TRIM71: variants seen among roughly 807,000 people sequenced by gnomAD.
The protein encoded by TRIM71 is E3 ubiquitin-protein ligase TRIM71.
Under a neutral mutation model 61.2 loss-of-function variants are expected in TRIM71, and 9 were observed. That is an observed-to-expected ratio of 0.15 (90% CI 0.09 to 0.26). The LOEUF is 0.26. TRIM71 is among the 10% of genes least tolerant of loss of function. TRIM71 has a pLI of 1.00. For synonymous variants in TRIM71, 645 were observed against 553.2 expected (o/e 1.17, Z -2.33); for missense variants, 998 against 1,238.7 (o/e 0.81, Z 2.92).
Position 32,891,548 on chromosome 3 carries a change from C to T in TRIM71, c.2344C>T (p.Arg782Cys), listed in dbSNP as rs1291066250. 16 of 1,613,522 alleles carry T rather than the reference C, an allele frequency of 9.9e-6. No homozygotes were observed. In the East Asian group the frequency reaches 2.5e-4, roughly 25 times the overall value. The part of the protein sequence containing the change: ...LVIHPDCQSA[R>C]FLGSEGTGNG... ...TATTCACCCCGACTGCCAGTCGGCA[C>T]GCTTTCTGGGCTCGGAGGGCACAGG... The change falls in exon 4 of 4, where the codon CGC (arginine) becomes TGC (cysteine). Residue 782 changes from arginine to cysteine, a missense_variant. Physicochemically the swap from Arg to Cys is radical, Grantham distance 180. Around this residue, in one of 5 missense-constraint regions of TRIM71, gnomAD observed 95 missense variants for 159.0 expected, o/e 0.60. Coordinates refer to ENST00000383763, the MANE Select transcript of TRIM71 (RefSeq NM_001039111.3). This position sits in a 1 kb window ranked among gnomAD's most constrained non-coding sequence, Gnocchi z 8.2.
intron 1 of TRIM71, among the ~76,000 whole-genome samples, chr3:32,847,173 C>T (rs1385789685): frequency 1.3e-5 from 2 of 150,312 alleles, no homozygotes; most frequent in African/African-American, 2.5e-5. Context: ...TACAGGCTCT[C>T]GCCGCCAGGT....
intron 1 of TRIM71, among the ~76,000 whole-genome samples, chr3:32,831,812 A>C (rs1298043047): frequency 1.3e-5 from 2 of 152,166 alleles, no homozygotes; most frequent in Non-Finnish European, 2.9e-5. Context: ...TCTTGGGATT[A>C]CAGGCATGAG....
chr3:32,847,182 G>A (rs905449372), intron 1 of TRIM71, among the ~76,000 whole-genome samples: 10 of 148,440 alleles, frequency 6.7e-5, no homozygotes, highest in African/African-American at 2.3e-4. Context: ...TCGCCGCCAG[G>A]TCCAGCAATT....
chr3:32,818,049 TGGTCTCCTCCCTCCTCCGGGCTG>T lies in TRIM71; in HGVS notation c.-28_-6del. On this transcript the variant is annotated 5_prime_UTR_variant, in exon 1 of 4. Coordinates refer to ENST00000383763, the MANE Select transcript of TRIM71 (RefSeq NM_001039111.3). ...TCCTCCTCCTCCTCCTCTTCCTCTC[TGGTCTCCTCCCTCCTCCGGGCTG>T]GGTTGCAAATGGCTTCGTTCCCCGA... 6.2e-7 allele frequency: 1 copy of T among 1,601,856 alleles called. No individual in the cohort carries two copies. The highest frequency in any genetic ancestry group is 8.5e-7 in the Non-Finnish European group (1 of 1,171,430).
intron 1 of TRIM71, among the ~76,000 whole-genome samples, chr3:32,857,098 C>G (rs1015251322): frequency 6.6e-6 from 1 of 152,190 alleles, no homozygotes; most frequent in Non-Finnish European, 1.5e-5. Context: ...AATCACTAAC[C>G]TCTGGCCCCT....
At chr3:32,881,953 T>G (rs1003895767) in intron 2 of TRIM71, among the ~76,000 whole-genome samples, 1 of 152,152 alleles carries the variant, frequency 6.6e-6, no homozygotes, top group Non-Finnish European at 1.5e-5. Context: ...ATTATTAAAA[T>G]TGCAACAAAA....
intron 1 of TRIM71, among the ~76,000 whole-genome samples, chr3:32,827,474 C>T (rs986936119): frequency 6.6e-6 from 1 of 151,826 alleles, no homozygotes; most frequent in Non-Finnish European, 1.5e-5. Context: ...ATTGGCCAGG[C>T]TGGTCTCGAA....
At chr3:32,842,640 G>A (rs532275570) in intron 1 of TRIM71, among the ~76,000 whole-genome samples, 3 of 152,294 alleles carry the variant, frequency 2.0e-5, no homozygotes, top group African/African-American at 4.8e-5. Context: ...CAGAGAAGTC[G>A]GGGCAGTGAG....
At position 32,894,461 on chromosome 3, in the gene TRIM71, G is replaced by A. The variant is rs1697058961; in HGVS notation, c.*2650G>A. On this transcript the variant is annotated 3_prime_UTR_variant, in exon 4 of 4. Transcript: ENST00000383763. ...TCTTAATTTACAGACTTGTAAATTT[G>A]CAGGCTTAGAGCAACTAGAACTATC... The A allele has an allele frequency of 6.6e-6, 1 of 152,164 alleles. No individual in the cohort carries two copies. Among genetic ancestry groups the A allele is most frequent in the Admixed American group, 6.5e-5 (1 of 15,282 alleles). The allele number at this position is 152,164 out of a possible 1,614,324, so 9.4% of individuals were successfully genotyped here.
intron 2 of TRIM71, among the ~76,000 whole-genome samples, chr3:32,879,672 T>TAA (rs34024813): frequency 3.4e-5 from 5 of 148,002 alleles, no homozygotes; most frequent in Admixed American, 6.7e-5. Flanking sequence ...TTCAATTTCT[T>TAA]AAAAAAAAAA....
rs1331113712 is a variant in TRIM71, at chr3:32,897,194, C to T, written c.*5383C>T. The T allele has an allele frequency of 1.4e-5, 2 of 143,608 alleles. No individual in the cohort carries two copies. Among genetic ancestry groups the T allele is most frequent in the Non-Finnish European group, 3.1e-5 (2 of 65,112 alleles). The allele number at this position is 143,608 out of a possible 1,614,324, so 8.9% of individuals were successfully genotyped here. A position where few individuals can be genotyped will look rare whatever the true frequency, so the allele number is the denominator to read the frequency against. ...ATGTGACTCGGTTGAGTCTTTTTGTCTTTTTTTTTTTTAAATAAACAATTG... is the reference window on the plus strand; with the variant it reads ...ATGTGACTCGGTTGAGTCTTTTTGTTTTTTTTTTTTTTAAATAAACAATTG... On this transcript the variant is annotated 3_prime_UTR_variant, in exon 4 of 4. Transcript: ENST00000383763.
At chr3:32,820,142 A>C (rs1309369696) in intron 1 of TRIM71, among the ~76,000 whole-genome samples, 3 of 152,240 alleles carry the variant, frequency 2.0e-5, no homozygotes, top group Admixed American at 6.5e-5. Flanking sequence ...TTAGAGCGTA[A>C]GCTGGAGACT....
chr3:32,826,703 C>T (rs1314014669), intron 1 of TRIM71, among the ~76,000 whole-genome samples: 1 of 149,238 alleles, frequency 6.7e-6, no homozygotes, highest in Non-Finnish European at 1.5e-5. Flanking sequence ...ACCTTGGCCT[C>T]CCAAAGTGCT....
intron 1 of TRIM71, among the ~76,000 whole-genome samples, chr3:32,819,205 G>A (rs145123111): frequency 1.3e-5 from 2 of 152,236 alleles, no homozygotes; most frequent in Non-Finnish European, 2.9e-5. Flanking sequence ...GGCAAAACGC[G>A]GCAATCGTCT....
chr3:32,843,636 T>C (rs1442768570), intron 1 of TRIM71, among the ~76,000 whole-genome samples: 2 of 152,180 alleles, frequency 1.3e-5, no homozygotes, highest in Non-Finnish European at 2.9e-5. Context: ...TAATTAACTG[T>C]GTTTAATCTT....
intron 1 of TRIM71, among the ~76,000 whole-genome samples, chr3:32,829,472 C>CT (rs1452645597): frequency 2.6e-5 from 4 of 152,132 alleles, no homozygotes; most frequent in Non-Finnish European, 4.4e-5. Context: ...CCACGATGCC[C>CT]TGCTGTCACC....
chr3:32,868,221 G>A (rs1696759725), intron 1 of TRIM71, among the ~76,000 whole-genome samples: 1 of 152,032 alleles, frequency 6.6e-6, no homozygotes, highest in Admixed American at 6.6e-5. Flanking sequence ...TTTGTTTTTG[G>A]TTGTGTTGAG....
intron 1 of TRIM71, among the ~76,000 whole-genome samples, chr3:32,865,268 G>A (rs1345968053): frequency 6.6e-6 from 1 of 152,158 alleles, no homozygotes; most frequent in Non-Finnish European, 1.5e-5. Context: ...GTTGGAGGTT[G>A]CAGTTAGCTG....
chr3:32,867,159 C>T (rs1430911834), intron 1 of TRIM71, among the ~76,000 whole-genome samples: 1 of 151,922 alleles, frequency 6.6e-6, no homozygotes, highest in East Asian at 1.9e-4. Context: ...CTTGGACACT[C>T]CCACTTTTAC....
Sources: gnomAD v4.1 joint callset for allele counts (sites outside exome capture counted in the v4.1 genomes callset) on GRCh38, gnomAD v4.1.1 for gene constraint, gnomAD v4.1.1 regional missense constraint, Gnocchi (gnomAD v3.1) non-coding constraint, MANE v1.5 for transcripts, NCBI Gene and HGNC (gene_info 2026-07-23, HGNC 2026-07-21) for gene names.